The following WWOX variants were observed in gnomAD, a reference collection of about 807,000 sequenced individuals.
The protein encoded by WWOX is WW domain-containing oxidoreductase.
A neutral mutation model predicts 46.2 loss-of-function variants in WWOX; 69 were observed. That is an observed-to-expected ratio of 1.49 (90% CI 1.23 to 1.82). The LOEUF (loss-of-function observed/expected upper bound fraction) is 1.82. WWOX is among the 40% of genes most tolerant of loss of function. The pLI is 0.00. For missense variants in WWOX, 919 were observed against 542.6 expected, an observed-to-expected ratio of 1.69 and a Z score of -6.89; for synonymous variants, 359 against 202.6, an observed-to-expected ratio of 1.77 and a Z score of -6.56.
intron 8 of WWOX, among the ~76,000 whole-genome samples, chr16:78,510,792 T>G (rs780072093): frequency 3.9e-5 from 6 of 152,224 alleles, no homozygotes; most frequent in Admixed American, 6.5e-5. Context: ...CAGGAGTGTT[T>G]GTTAAACATT....
chr16:78,892,868 C>G (rs2044621254), intron 8 of WWOX, among the ~76,000 whole-genome samples: 1 of 152,316 alleles, frequency 6.6e-6, no homozygotes, highest in South Asian at 2.1e-4. Flanking sequence ...AGCATGTTGG[C>G]TTCATTCATT....
chr16:78,764,228 G>A (rs899489685), intron 8 of WWOX, among the ~76,000 whole-genome samples: 3 of 152,008 alleles, frequency 2.0e-5, no homozygotes, highest in Admixed American at 6.6e-5. Flanking sequence ...AAGTGCGGCC[G>A]GGTGTTGTTA....
intron 8 of WWOX, among the ~76,000 whole-genome samples, chr16:78,995,245 C>T (rs1474544178): frequency 6.6e-6 from 1 of 152,048 alleles, no homozygotes; most frequent in African/African-American, 2.4e-5. Flanking sequence ...CCAATCCTTG[C>T]ACTGAAGCTT....
chr16:78,560,714 C>G (rs1251807598), intron 8 of WWOX, among the ~76,000 whole-genome samples: 2 of 151,928 alleles, frequency 1.3e-5, no homozygotes, highest in Non-Finnish European at 2.9e-5. Context: ...GAAACCAGTT[C>G]TTAAGCAATT....
intron 8 of WWOX, among the ~76,000 whole-genome samples, chr16:78,510,577 C>T (rs1363169436): frequency 6.6e-6 from 1 of 152,198 alleles, no homozygotes; most frequent in Admixed American, 6.5e-5. Context: ...ACTTTCTCAT[C>T]AACTGCAACC....
chr16:78,999,790 A>G (rs574223934), intron 8 of WWOX, among the ~76,000 whole-genome samples: 1 of 152,198 alleles, frequency 6.6e-6, no homozygotes, highest in Non-Finnish European at 1.5e-5. Context: ...TGGATACACT[A>G]AAAGTGCAGA....
intron 8 of WWOX, chr16:79,203,932 C>T (rs979480618): frequency 1.3e-5 from 2 of 152,130 alleles, no homozygotes; most frequent in African/African-American, 4.8e-5. Context: ...CAAATAAACA[C>T]ACACTAAATA....
intron 8 of WWOX, among the ~76,000 whole-genome samples, chr16:79,032,666 G>A (rs1296002777): frequency 1.4e-5 from 2 of 148,070 alleles, no homozygotes; most frequent in Non-Finnish European, 3.0e-5. Context: ...ATTTACATAT[G>A]TATATATATA....
chr16:78,877,816 C>G (rs1010409281), intron 8 of WWOX, among the ~76,000 whole-genome samples: 11 of 152,138 alleles, frequency 7.2e-5, no homozygotes, highest in African/African-American at 2.2e-4. Flanking sequence ...TAATGTCCAA[C>G]TCACTCTACC....
chr16:79,117,361 C>A (rs2049537585), intron 8 of WWOX, among the ~76,000 whole-genome samples: 1 of 152,162 alleles, frequency 6.6e-6, no homozygotes, highest in Non-Finnish European at 1.5e-5. Context: ...TAGGTCTCGA[C>A]AGTGGGCATA....
At chr16:78,597,284 A>T (rs899323359) in intron 8 of WWOX, among the ~76,000 whole-genome samples, 2 of 152,124 alleles carry the variant, frequency 1.3e-5, no homozygotes, top group Non-Finnish European at 2.9e-5. Context: ...GAGTCAGTCA[A>T]TCAATTAAAC....
chr16:78,940,771 G>A (rs1204030089), intron 8 of WWOX, among the ~76,000 whole-genome samples: 1 of 148,416 alleles, frequency 6.7e-6, no homozygotes, highest in Non-Finnish European at 1.5e-5. Flanking sequence ...TCAAGTCCCT[G>A]TTTGTTATCT....
chr16:78,693,941 G>C (rs918195333), intron 8 of WWOX, among the ~76,000 whole-genome samples: 2 of 152,140 alleles, frequency 1.3e-5, no homozygotes, highest in African/African-American at 4.8e-5. Context: ...GATGTAAAAA[G>C]GATTTAGACG....
chr16:78,949,796 C>G (rs1401808149), intron 8 of WWOX, among the ~76,000 whole-genome samples: 1 of 152,196 alleles, frequency 6.6e-6, no homozygotes, highest in Admixed American at 6.5e-5. Flanking sequence ...TGCGTGCATC[C>G]TACATTGTCT....
At chr16:79,096,244 G>C (rs1387561876) in intron 8 of WWOX, among the ~76,000 whole-genome samples, 1 of 151,982 alleles carries the variant, frequency 6.6e-6, no homozygotes, top group East Asian at 1.9e-4. Context: ...CGGAGAACCA[G>C]AATCTCCTTT....
chr16:78,115,199 A>G, intron 4 of WWOX, 45 bp downstream of exon 4: 1 of 1,605,546 alleles, frequency 6.2e-7, no homozygotes, highest in Non-Finnish European at 8.5e-7. Flanking sequence ...TGCTATAATG[A>G]GATCCACTTA....
At chr16:78,589,280 C>T (rs1215913894) in intron 8 of WWOX, among the ~76,000 whole-genome samples, 1 of 152,166 alleles carries the variant, frequency 6.6e-6, no homozygotes, top group Non-Finnish European at 1.5e-5. Context: ...AATAGAAAAG[C>T]ACAAATGAAG....
intron 8 of WWOX, among the ~76,000 whole-genome samples, chr16:78,762,677 C>G (rs563137296): frequency 6.6e-6 from 1 of 152,134 alleles, no homozygotes; most frequent in Non-Finnish European, 1.5e-5. Context: ...AATTGGGAGG[C>G]AGGAATCCAC....
At chr16:78,119,319 G>T (rs141863079) in intron 4 of WWOX, among the ~76,000 whole-genome samples, 3 of 152,174 alleles carry the variant, frequency 2.0e-5, no homozygotes, top group East Asian at 1.9e-4. Context: ...AGGGAATTTC[G>T]CATTGAGGAA....
Sources: allele counts gnomAD v4.1 joint callset (sites outside exome capture counted in the v4.1 genomes callset), GRCh38; gene constraint gnomAD v4.1.1; transcripts MANE v1.5; gene names NCBI Gene and HGNC (gene_info 2026-07-23, HGNC 2026-07-21).